The following GLS variants were observed in gnomAD, a reference collection of about 807,000 sequenced individuals.
GLS encodes the protein glutaminase kidney isoform, mitochondrial.
In GLS, 36 loss-of-function variants were observed where a neutral mutation model predicts 86.7. That is an observed-to-expected ratio of 0.42 (90% CI 0.32 to 0.55). The LOEUF (loss-of-function observed/expected upper bound fraction) is 0.55, where lower values mean the gene tolerates loss of function less well. Ranked by LOEUF, GLS falls within the 20% of genes least tolerant of loss-of-function variation. The pLI is 0.17. For synonymous variants in GLS, 317 were observed against 305.9 expected (o/e 1.04, Z -0.38); for missense variants, 528 against 833.4 (o/e 0.63, Z 4.51).
intron 17 of GLS, among the ~76,000 whole-genome samples, chr2:190,960,363 T>A (rs1690969763): frequency 7.0e-6 from 1 of 142,076 alleles, no homozygotes; most frequent in Admixed American, 6.9e-5. Context: ...GCTTCAATTT[T>A]TTTTTTTTTT....
In GLS at chr2:190,913,596, G is replaced by A. The variant is rs1416315762; in HGVS notation, c.1038+3275G>A. The A allele has an allele frequency of 1.0e-6, 1 of 964,334 alleles. No individual in the cohort carries two copies. Among genetic ancestry groups the A allele is most frequent in the Non-Finnish European group, 1.2e-6 (1 of 811,024 alleles). The allele number at this position is 964,334 out of a possible 1,614,324, so 59.7% of individuals were successfully genotyped here. On this transcript the variant is annotated intron_variant, in intron 7 of 17. Transcript: ENST00000320717. This position sits in a 1 kb window ranked among gnomAD's most constrained non-coding sequence, Gnocchi z 6.1. ...GGAACAGTTATTTTTATATGATGTA[G>A]CAGTATCCTTACGTATTTGTTTTCT...
rs1215726858 is a variant in GLS at position 190,947,278 on chromosome 2, T to C, written c.1651-6287T>C. 6.6e-6 allele frequency among the ~76,000 whole-genome samples: 1 copy of C among 152,162 alleles called. No homozygotes were observed. ...ACACTCCCCACCTGCTTCTAGCTGT[T>C]TTGGAAAAAAGTGAGATTTGCTATG... On this transcript the variant is annotated intron_variant, in intron 14 of 17. Coordinates refer to ENST00000320717, the MANE Select transcript of GLS (RefSeq NM_014905.5). This position sits in a 1 kb window ranked among gnomAD's most constrained non-coding sequence, Gnocchi z 5.0.
rs1386113703 is a variant in GLS at position 190,924,877 on chromosome 2, T to C, written c.1248+284T>C. 7 of 281,944 alleles carry C rather than the reference T, an allele frequency of 2.5e-5. No homozygotes were observed. The highest frequency in any genetic ancestry group is 4.0e-5 in the Non-Finnish European group (6 of 148,388). The allele number at this position is 281,944 out of a possible 1,614,324, so 17.5% of individuals were successfully genotyped here. On this transcript the variant is annotated intron_variant, in intron 11 of 17. Transcript: ENST00000320717. The surrounding 1 kb of genome is among the most constrained non-coding windows in gnomAD (Gnocchi z 5.2). Reference sequence around the variant, plus strand: ...TTGCAGTGAGCCGAGATCACGCCACTGCATTCCAGCCTGGCGACACAGTGA... The same window carrying C: ...TTGCAGTGAGCCGAGATCACGCCACCGCATTCCAGCCTGGCGACACAGTGA...
Position 190,965,198 on chromosome 2 carries a change from A to G in GLS, c.*2212A>G, listed in dbSNP as rs1381552086. ...TTTTTCTGTATCCTGAGCGCTCTAT[A>G]TGATCATGTTAATTTAAAGCTTTAT... On this transcript the variant is annotated 3_prime_UTR_variant, in exon 18 of 18. Coordinates refer to ENST00000320717, the MANE Select transcript of GLS (RefSeq NM_014905.5). The surrounding 1 kb of genome is among the most constrained non-coding windows in gnomAD (Gnocchi z 5.0). 1 of 152,540 alleles carries G rather than the reference A, an allele frequency of 6.6e-6. No individual in the cohort carries two copies. Among genetic ancestry groups the G allele is most frequent in the African/African-American group, 2.4e-5 (1 of 41,424 alleles). 9.4% of individuals were successfully genotyped at this position (152,540 alleles called of 1,614,324 possible).
chr2:190,933,774 A>G (rs1261233892), intron 14 of GLS: 1 of 687,134 alleles, frequency 1.5e-6, no homozygotes, highest in East Asian at 1.3e-4. Flanking sequence ...TCTTAATTTT[A>G]TAAATGCTAA....
chr2:190,937,633 T>A (rs1028714872), intron 14 of GLS, among the ~76,000 whole-genome samples: 1 of 151,372 alleles, frequency 6.6e-6, no homozygotes, highest in Admixed American at 6.6e-5. Flanking sequence ...TTGACTTTGT[T>A]TGCCATTTCT....
At chr2:190,934,318 C>G in intron 14 of GLS, 2 of 961,652 alleles carry the variant, frequency 2.1e-6, no homozygotes, top group Non-Finnish European at 2.5e-6. Flanking sequence ...AGTTTGGGAA[C>G]TGTGATATTA....
intron 1 of GLS, among the ~76,000 whole-genome samples, chr2:190,893,607 A>G (rs551430800): frequency 2.6e-5 from 4 of 152,172 alleles, no homozygotes; most frequent in South Asian, 2.1e-4. Flanking sequence ...TTTTTTGGAG[A>G]CAGAGTCTCG....
Position 190,905,552 on chromosome 2 carries a change from T to C in GLS, c.979+385T>C, listed in dbSNP as rs1232723126. Among the ~76,000 whole-genome samples the C allele has an allele frequency of 6.6e-6, 1 of 152,136 alleles. No individual in the cohort carries two copies. The highest frequency in any genetic ancestry group is 1.5e-5 in the Non-Finnish European group (1 of 67,956). ...GGGTGTTTGTATATTATTCTATCTA[T>C]TATATTGTATATAGTAGTTGAAAGT... On this transcript the variant is annotated intron_variant, in intron 6 of 17. Transcript: ENST00000320717. This position sits in a 1 kb window ranked among gnomAD's most constrained non-coding sequence, Gnocchi z 4.6.
Position 190,920,974 on chromosome 2 carries a change from A to G in GLS, c.1039-50A>G. The G allele has an allele frequency of 1.0e-6, 1 of 957,294 alleles. No individual in the cohort carries two copies. Among genetic ancestry groups the G allele is most frequent in the South Asian group, 1.3e-5 (1 of 74,544 alleles). The allele number at this position is 957,294 out of a possible 1,614,324, so 59.3% of individuals were successfully genotyped here. ...AATTTTGATATTGGCTTGAAACTTA[A>G]CTGTAGTGGTACCTATATTAACGTA... is the stretch of plus-strand genomic sequence containing the variant. On this transcript the variant is annotated intron_variant, in intron 7 of 17. Coordinates refer to ENST00000320717, the MANE Select transcript of GLS (RefSeq NM_014905.5). The surrounding 1 kb of genome is among the most constrained non-coding windows in gnomAD (Gnocchi z 4.2).
At chr2:190,945,268 A>G (rs1690548100) in intron 14 of GLS, among the ~76,000 whole-genome samples, 1 of 152,156 alleles carries the variant, frequency 6.6e-6, no homozygotes, top group Admixed American at 6.5e-5. Context: ...GTAATATATA[A>G]TCTTTAATTT....
rs1690785028 is a variant in GLS, at chr2:190,953,881, A to G, written c.1712+255A>G. Among the ~76,000 whole-genome samples the G allele has an allele frequency of 1.3e-5, 2 of 151,742 alleles. 1 individual carries two copies. On this transcript the variant is annotated intron_variant, in intron 15 of 17. Coordinates refer to ENST00000320717, the MANE Select transcript of GLS (RefSeq NM_014905.5). This position sits in a 1 kb window ranked among gnomAD's most constrained non-coding sequence, Gnocchi z 4.0. ...TGTTCAGCTAATCTGGCTAATTAGTACCAGTGGCTTACTGGAATTGGACAG... is the reference window on the plus strand; with the variant it reads ...TGTTCAGCTAATCTGGCTAATTAGTGCCAGTGGCTTACTGGAATTGGACAG...
At chr2:190,887,596 T>C (rs1688429728) in intron 1 of GLS, among the ~76,000 whole-genome samples, 1 of 152,134 alleles carries the variant, frequency 6.6e-6, no homozygotes, top group Non-Finnish European at 1.5e-5. Flanking sequence ...TTGAGTGACA[T>C]AGACCCGTCC....
rs1162597933 is a variant in GLS, at chr2:190,921,654, A to C, written c.1130+451A>C. ...TGTATACCTCTAAACACAAATATGT[A>C]AATATATATGTACATAGATTTTTTT... On this transcript the variant is annotated intron_variant, in intron 9 of 17. Transcript: ENST00000320717. This position sits in a 1 kb window ranked among gnomAD's most constrained non-coding sequence, Gnocchi z 4.2. Among the ~76,000 whole-genome samples, 1 of 152,016 alleles carries C rather than the reference A, an allele frequency of 6.6e-6. No homozygotes were observed. The highest frequency in any genetic ancestry group is 1.5e-5 in the Non-Finnish European group (1 of 67,906).
At position 190,930,005 on chromosome 2, in the gene GLS, G is replaced by A. The variant is rs1361227309; in HGVS notation, c.1426-432G>A. Among the ~76,000 whole-genome samples the A allele has an allele frequency of 1.3e-5, 2 of 151,640 alleles. No homozygotes were observed. The highest frequency in any genetic ancestry group is 4.8e-5 in the African/African-American group (2 of 41,278). On this transcript the variant is annotated intron_variant, in intron 12 of 17. Coordinates refer to ENST00000320717, the MANE Select transcript of GLS (RefSeq NM_014905.5). The surrounding 1 kb of genome is among the most constrained non-coding windows in gnomAD (Gnocchi z 5.0). ...GGACTACAGGCGTGCACTTTGGGAG[G>A]CTGAGGCGGGCGGATCACAAGGTCA...
In GLS at chr2:190,935,067, TTC is replaced by T; in HGVS notation, c.1650+3432_1650+3433del. On this transcript the variant is annotated intron_variant, in intron 14 of 17. Coordinates refer to ENST00000320717, the MANE Select transcript of GLS (RefSeq NM_014905.5). This position sits in a 1 kb window ranked among gnomAD's most constrained non-coding sequence, Gnocchi z 4.2. ...CATTTACAATGTAGCATATTTGATT[TTC>T]TTTTTTCTTTCTTTTTTTGGCATCA... 1 of 939,852 alleles carries T rather than the reference TTC, an allele frequency of 1.1e-6. No homozygotes were observed. The highest frequency in any genetic ancestry group is 1.3e-6 in the Non-Finnish European group (1 of 788,696). The allele number at this position is 939,852 out of a possible 1,614,324, so 58.2% of individuals were successfully genotyped here. A position where few individuals can be genotyped will look rare whatever the true frequency, so the allele number is the denominator to read the frequency against.
chr2:190,884,678 A>G (rs990506075), intron 1 of GLS, among the ~76,000 whole-genome samples: 5 of 152,176 alleles, frequency 3.3e-5, no homozygotes, highest in African/African-American at 4.8e-5. Context: ...TTGGACATTT[A>G]TTTTTTAATG....
chr2:190,913,399 A>G lies in GLS; in HGVS notation c.1038+3078A>G. 2.1e-6 allele frequency: 2 copies of G among 952,164 alleles called. No homozygotes were observed. Among genetic ancestry groups the G allele is most frequent in the Non-Finnish European group, 2.7e-6 (2 of 748,940 alleles). 59.0% of individuals were successfully genotyped at this position (952,164 alleles called of 1,614,324 possible). A position where few individuals can be genotyped will look rare whatever the true frequency, so the allele number is the denominator to read the frequency against. ...TTTTTAAAAACAAATGTAATTTTAT[A>G]CTTAAAATGCACATAATTTTTAAAA... On this transcript the variant is annotated intron_variant, in intron 7 of 17. Transcript: ENST00000320717. This position sits in a 1 kb window ranked among gnomAD's most constrained non-coding sequence, Gnocchi z 6.1.
rs1690498198 is a variant in GLS at position 190,943,362 on chromosome 2, A to C, written c.1651-10203A>C. ...TGAGATTGCTTAAGGTGATAGTATA[A>C]AGTGATAAGGAAAGTGTATCAAAGA... On this transcript the variant is annotated intron_variant, in intron 14 of 17. Transcript: ENST00000320717. The surrounding 1 kb of genome is among the most constrained non-coding windows in gnomAD (Gnocchi z 4.5). Among the ~76,000 whole-genome samples the C allele has an allele frequency of 6.6e-6, 1 of 152,154 alleles. No homozygotes were observed. The highest frequency in any genetic ancestry group is 1.5e-5 in the Non-Finnish European group (1 of 68,024).
Sources: gnomAD v4.1 joint callset for allele counts (sites outside exome capture counted in the v4.1 genomes callset) on GRCh38, gnomAD v4.1.1 for gene constraint, Gnocchi (gnomAD v3.1) non-coding constraint, MANE v1.5 for transcripts, NCBI Gene and HGNC (gene_info 2026-07-23, HGNC 2026-07-21) for gene names.